Variants in ARHGAP24 observed in about 807,000 individuals in gnomAD.
The protein encoded by ARHGAP24 is Rho GTPase activating protein 24, also known as rho GTPase-activating protein 24.
A neutral mutation model predicts 76.4 loss-of-function variants in ARHGAP24; 50 were observed. The observed-to-expected ratio is 0.65, with a 90% CI of 0.52 to 0.83. The LOEUF (loss-of-function observed/expected upper bound fraction) is 0.83. Among genes scored for constraint, ARHGAP24 ranks in the 40% least tolerant of loss-of-function variants. The probability of loss-of-function intolerance (pLI) is 0.00; values close to 1 mark genes in which losing one functional copy is unlikely to be tolerated. For synonymous variants in ARHGAP24, 345 were observed against 323.3 expected (o/e 1.07, Z -0.72); for missense variants, 930 against 914.2 (o/e 1.02, Z -0.22).
At chr4:85,933,225 G>T (rs1560727627) in intron 4 of ARHGAP24, among the ~76,000 whole-genome samples, 1 of 152,112 alleles carries the variant, frequency 6.6e-6, no homozygotes, top group Non-Finnish European at 1.5e-5. Flanking sequence ...AAAATGCCTA[G>T]AGGTAAAAAA....
At chr4:85,498,391 T>C (rs1482513642) in intron 1 of ARHGAP24, among the ~76,000 whole-genome samples, 1 of 152,246 alleles carries the variant, frequency 6.6e-6, no homozygotes, top group Non-Finnish European at 1.5e-5. Context: ...TGAATAGTTG[T>C]GTTGCTATCT....
At chr4:85,622,628 G>C (rs1720761967) in intron 2 of ARHGAP24, among the ~76,000 whole-genome samples, 2 of 152,066 alleles carry the variant, frequency 1.3e-5, no homozygotes, top group African/African-American at 4.8e-5. Flanking sequence ...GGGATGGCTG[G>C]GTTAAATGGT....
intron 3 of ARHGAP24, among the ~76,000 whole-genome samples, chr4:85,807,895 C>T (rs939192900): frequency 6.6e-6 from 1 of 152,172 alleles, no homozygotes; most frequent in Non-Finnish European, 1.5e-5. Context: ...ATGTCAGCAA[C>T]TTTGCTCTGT....
At chr4:85,535,673 T>G (rs1725440536) in intron 1 of ARHGAP24, among the ~76,000 whole-genome samples, 1 of 152,200 alleles carries the variant, frequency 6.6e-6, no homozygotes, top group Non-Finnish European at 1.5e-5. Context: ...TCTTCTGCAC[T>G]CTAACAAAGA....
intron 4 of ARHGAP24, among the ~76,000 whole-genome samples, chr4:85,934,140 C>T (rs1287763226): frequency 1.3e-5 from 2 of 152,238 alleles, no homozygotes; most frequent in Non-Finnish European, 2.9e-5. Context: ...AAGCATTTCC[C>T]TATCTGTATT....
chr4:85,923,131 A>G (rs1472655856), intron 3 of ARHGAP24, among the ~76,000 whole-genome samples: 1 of 151,998 alleles, frequency 6.6e-6, no homozygotes, highest in African/African-American at 2.4e-5. Flanking sequence ...AGAGGCATAG[A>G]GAAGAACCTC....
chr4:85,667,907 C>G (rs974306310), intron 2 of ARHGAP24, among the ~76,000 whole-genome samples: 1 of 152,122 alleles, frequency 6.6e-6, no homozygotes, highest in African/African-American at 2.4e-5. Flanking sequence ...AGGAAATACA[C>G]TTAAATTGAG....
At chr4:85,639,552 T>C (rs1267510401) in intron 2 of ARHGAP24, among the ~76,000 whole-genome samples, 1 of 152,132 alleles carries the variant, frequency 6.6e-6, no homozygotes. Flanking sequence ...GAAAAAATAA[T>C]TGCTGAATGT....
At chr4:85,762,407 G>C (rs11732231) in intron 3 of ARHGAP24, among the ~76,000 whole-genome samples, 68,562 of 152,008 alleles carry the variant, frequency 0.45, 18,197 homozygotes, top group Non-Finnish European at 0.61. Flanking sequence ...ATCCAGGAGA[G>C]GGAAAACACA....
chr4:85,992,970 C>T (rs1019536486), intron 8 of ARHGAP24, among the ~76,000 whole-genome samples: 3 of 152,004 alleles, frequency 2.0e-5, no homozygotes, highest in Non-Finnish European at 1.5e-5. Flanking sequence ...TGGAATAAGA[C>T]TAAATATTGC....
rs375822025 is a variant in ARHGAP24 at position 85,629,025 on chromosome 4, A to G, written c.180+58304A>G. On this transcript the variant is annotated intron_variant, in intron 2 of 9. Transcript: ENST00000395184. ...TAACTTTAATTTTTTCCACTTTATA[A>G]CTTCTTTGTTCTTTCTCTCTTGCTG... 7.9e-5 allele frequency among the ~76,000 whole-genome samples: 12 copies of G among 152,052 alleles called. No individual in the cohort carries two copies. The South Asian group carries it at 1.0e-3, about 13-fold the overall frequency.
At chr4:85,747,361 A>C (rs937489399) in intron 3 of ARHGAP24, among the ~76,000 whole-genome samples, 1 of 152,168 alleles carries the variant, frequency 6.6e-6, no homozygotes, top group Non-Finnish European at 1.5e-5. Context: ...AAAAGCACTA[A>C]GCACAAATAA....
intron 3 of ARHGAP24, among the ~76,000 whole-genome samples, chr4:85,748,893 G>A (rs1190459257): frequency 2.0e-5 from 3 of 152,060 alleles, no homozygotes; most frequent in Admixed American, 6.5e-5. Context: ...GTTTCTCTCC[G>A]GCTCTTGTCC....
intron 3 of ARHGAP24, among the ~76,000 whole-genome samples, chr4:85,854,773 A>G (rs879918550): frequency 1.3e-4 from 20 of 152,170 alleles, no homozygotes; most frequent in Admixed American, 6.5e-5. Context: ...GCCACTTGAA[A>G]TGGTATTTTC....
rs781593009 is a variant in ARHGAP24 at position 85,490,939 on chromosome 4, A to G, written c.-21+15380A>G. 6.2e-4 allele frequency among the ~76,000 whole-genome samples: 95 copies of G among 152,292 alleles called. 1 individual carries two copies. The highest frequency in any genetic ancestry group is 2.3e-3 in the African/African-American group (94 of 41,572). Reference sequence around the variant, plus strand: ...AGATTTTTCTCATCTTCATATGTTTATTCCAACACAAATGCTTCTTTCTGC... The same window carrying G: ...AGATTTTTCTCATCTTCATATGTTTGTTCCAACACAAATGCTTCTTTCTGC... On this transcript the variant is annotated intron_variant, in intron 1 of 9. Coordinates refer to ENST00000395184, the MANE Select transcript of ARHGAP24 (RefSeq NM_001025616.3).
At chr4:85,606,077 A>G (rs1027755770) in intron 2 of ARHGAP24, among the ~76,000 whole-genome samples, 1 of 152,138 alleles carries the variant, frequency 6.6e-6, no homozygotes, top group Non-Finnish European at 1.5e-5. Context: ...CATTTATGTC[A>G]TGGGTGGTAT....
At chr4:85,661,179 G>C (rs1327018482) in intron 2 of ARHGAP24, among the ~76,000 whole-genome samples, 1 of 152,174 alleles carries the variant, frequency 6.6e-6, no homozygotes, top group Non-Finnish European at 1.5e-5. Flanking sequence ...AATGCAGTGA[G>C]TGGTTACTGT....
At chr4:85,790,723 C>G (rs945626976) in intron 3 of ARHGAP24, among the ~76,000 whole-genome samples, 1 of 152,168 alleles carries the variant, frequency 6.6e-6, no homozygotes, top group African/African-American at 2.4e-5. Flanking sequence ...TTTACATTGC[C>G]TGAGTGGGCT....
chr4:85,787,140 T>C (rs535326733), intron 3 of ARHGAP24, among the ~76,000 whole-genome samples: 4 of 152,296 alleles, frequency 2.6e-5, no homozygotes, highest in African/African-American at 9.6e-5. Context: ...TGCTGACAGA[T>C]TGCCCGGCCT....
Sources: gnomAD v4.1 joint callset for allele counts (sites outside exome capture counted in the v4.1 genomes callset) on GRCh38, gnomAD v4.1.1 for gene constraint, MANE v1.5 for transcripts, NCBI Gene and HGNC (gene_info 2026-07-23, HGNC 2026-07-21) for gene names.